UTY: variants seen among roughly 807,000 people sequenced by gnomAD.
The protein encoded by UTY is histone demethylase UTY.
A neutral mutation model predicts 32.5 loss-of-function variants in UTY; 12 were observed. The observed-to-expected ratio is 0.37, with a 90% CI of 0.24 to 0.60. The LOEUF (loss-of-function observed/expected upper bound fraction) is 0.60. Among genes scored for constraint, UTY ranks in the 20% least tolerant of loss-of-function variants. UTY has a pLI of 0.69. For synonymous variants in UTY, 131 were observed against 103.4 expected (o/e 1.27, Z -1.62); for missense variants, 303 against 299.2 (o/e 1.01, Z -0.09).
intron 4 of UTY, among the ~76,000 whole-genome samples, chrY:13,422,425 T>C (rs989659060): frequency 1.2e-4 from 4 of 32,859 alleles, no homozygotes; most frequent in Non-Finnish European, 3.0e-4. Context: ...CACAATAAAA[T>C]GAACACATCA....
intron 17 of UTY, among the ~76,000 whole-genome samples, chrY:13,352,937 A>C (rs2062545575): frequency 5.8e-5 from 2 of 34,248 alleles, no homozygotes; most frequent in Non-Finnish European, 1.5e-4. Context: ...GCTGCAGAAG[A>C]AAAGTCTGAA....
At chrY:13,261,423 C>T in intron 27 of UTY, among the ~76,000 whole-genome samples, 3 of 33,506 alleles carry the variant, frequency 9.0e-5, no homozygotes, top group Non-Finnish European at 2.2e-4. Context: ...GTGTAAGCAT[C>T]ATGAGCATGA....
At chrY:13,473,750 T>G (rs917167753) in intron 2 of UTY, among the ~76,000 whole-genome samples, 1 of 33,110 alleles carries the variant, frequency 3.0e-5, no homozygotes, top group Non-Finnish European at 7.5e-5. Flanking sequence ...ACAAAACCAT[T>G]TGAAAATACA....
intron 28 of UTY, among the ~76,000 whole-genome samples, chrY:13,239,621 G>A: frequency 3.0e-5 from 1 of 33,534 alleles, no homozygotes; most frequent in African/African-American, 1.2e-4. Context: ...CCCAGTAGAC[G>A]AACAGACTGC....
chrY:13,345,153 C>A (rs529000472), intron 17 of UTY, among the ~76,000 whole-genome samples: 1 of 33,330 alleles, frequency 3.0e-5, no homozygotes, highest in African/African-American at 1.2e-4. Flanking sequence ...TGTCTACCCC[C>A]ACTGCTGTTG....
At chrY:13,416,301 T>C in intron 4 of UTY, among the ~76,000 whole-genome samples, 1 of 34,235 alleles carries the variant, frequency 2.9e-5, no homozygotes, top group African/African-American at 1.1e-4. Context: ...ACATTGTCTG[T>C]AGGCACCTTC....
At chrY:13,479,100 A>C (rs2079433663) in intron 2 of UTY, 154 bp downstream of exon 2, 2 of 157,082 alleles carry the variant, frequency 1.3e-5, no homozygotes, top group Admixed American at 1.3e-4. Flanking sequence ...GGGGCGAAGT[A>C]TTCCAGAGTA....
chrY:13,365,762 G>A (rs996947851), intron 10 of UTY, among the ~76,000 whole-genome samples: 1 of 32,941 alleles, frequency 3.0e-5, no homozygotes, highest in Non-Finnish European at 7.4e-5. Flanking sequence ...AGAGCTATAG[G>A]AGTAGTATAC....
At chrY:13,288,189 T>A in intron 27 of UTY, among the ~76,000 whole-genome samples, 6 of 30,740 alleles carry the variant, frequency 2.0e-4, no homozygotes, top group African/African-American at 3.9e-4. Context: ...CTAAAAGTCT[T>A]AATTATTAGA....
chrY:13,468,907 G>C, intron 3 of UTY, among the ~76,000 whole-genome samples: 2 of 32,840 alleles, frequency 6.1e-5, no homozygotes, highest in African/African-American at 1.2e-4. Context: ...CAAAAAATGA[G>C]GTACATCAGA....
intron 22 of UTY, 24 bp downstream of exon 22, chrY:13,306,162 G>T: frequency 7.7e-6 from 3 of 391,661 alleles, no homozygotes; most frequent in Non-Finnish European, 7.2e-6. Context: ...CAGAAATGTT[G>T]AGTGGGTGCT....
intron 6 of UTY, among the ~76,000 whole-genome samples, chrY:13,405,734 T>C (rs779572515): frequency 6.1e-5 from 2 of 32,701 alleles, no homozygotes; most frequent in Non-Finnish European, 7.6e-5. Flanking sequence ...ATTTAAAAAA[T>C]AATTTTAATA....
intron 3 of UTY, among the ~76,000 whole-genome samples, chrY:13,469,596 T>C (rs1433434114): frequency 3.0e-5 from 1 of 33,298 alleles, no homozygotes; most frequent in Non-Finnish European, 7.4e-5. Context: ...ATGTATTCCT[T>C]TATTCCTTTA....
intron 27 of UTY, among the ~76,000 whole-genome samples, chrY:13,290,115 A>C: frequency 3.0e-5 from 1 of 33,709 alleles, no homozygotes; most frequent in Non-Finnish European, 7.4e-5. Flanking sequence ...ATGCATCTTA[A>C]ACAAGTAGAA....
At chrY:13,239,004 C>T in intron 28 of UTY, among the ~76,000 whole-genome samples, 2 of 33,376 alleles carry the variant, frequency 6.0e-5, no homozygotes, top group Non-Finnish European at 1.5e-4. Context: ...ATACACAAAA[C>T]GGCAGAACAA....
At chrY:13,454,059 C>CAA (rs60315682) in intron 3 of UTY, among the ~76,000 whole-genome samples, 2 of 14,362 alleles carry the variant, frequency 1.4e-4, no homozygotes, top group African/African-American at 6.2e-4. Flanking sequence ...CTGTCTCTAC[C>CAA]AAAAAAAAAA....
At chrY:13,478,985 A>C (rs568914379) in intron 2 of UTY, 6 of 85,367 alleles carry the variant, frequency 7.0e-5, no homozygotes, top group African/African-American at 6.0e-4. Context: ...AAAATTCAGG[A>C]ACAAAAGGCC....
intron 6 of UTY, among the ~76,000 whole-genome samples, chrY:13,402,494 T>A (rs2069244852): frequency 2.9e-5 from 1 of 33,988 alleles, no homozygotes; most frequent in Admixed American, 2.7e-4. Flanking sequence ...ACCAAGATGC[T>A]CACAGTTAAG....
At chrY:13,371,032 G>A in intron 8 of UTY, among the ~76,000 whole-genome samples, 2 of 32,367 alleles carry the variant, frequency 6.2e-5, no homozygotes, top group Admixed American at 2.9e-4. Context: ...CACTTCAGCC[G>A]AGCGACAGAA....
Sources: allele counts gnomAD v4.1 joint callset (sites outside exome capture counted in the v4.1 genomes callset), GRCh38; gene constraint gnomAD v4.1.1; transcripts MANE v1.5; gene names NCBI Gene and HGNC (gene_info 2026-07-23, HGNC 2026-07-21).